The following WDR72 variants were observed in gnomAD, a reference collection of about 807,000 sequenced individuals.
WDR72 encodes the protein WD repeat-containing protein 72.
WDR72 carries 120 observed loss-of-function variants against 124.2 expected under a neutral mutation model. The observed-to-expected ratio is 0.97, with a 90% CI of 0.83 to 1.12. The LOEUF (loss-of-function observed/expected upper bound fraction) is 1.12. Ranked by LOEUF, WDR72 falls within the 50% of genes most tolerant of loss-of-function variation. The pLI is 0.00. For missense variants in WDR72, 1,387 were observed against 1,278.8 expected (o/e 1.08, Z -1.29); for synonymous variants, 452 against 441.7 (o/e 1.02, Z -0.29).
chr15:53,546,851 G>T (rs1366010568), intron 18 of WDR72, among the ~76,000 whole-genome samples: 1 of 152,134 alleles, frequency 6.6e-6, no homozygotes, highest in African/African-American at 2.4e-5. Context: ...AGTCTTAAGC[G>T]ATTATAATGC....
At chr15:53,700,494 T>A (rs1010036674) in intron 12 of WDR72, among the ~76,000 whole-genome samples, 1 of 152,128 alleles carries the variant, frequency 6.6e-6, no homozygotes, top group African/African-American at 2.4e-5. Flanking sequence ...CTCAAAGACA[T>A]AAGGACCAAA....
At chr15:53,591,729 CAT>C (rs1454876658) in intron 18 of WDR72, among the ~76,000 whole-genome samples, 12 of 151,152 alleles carry the variant, frequency 7.9e-5, no homozygotes, top group South Asian at 2.1e-4. Context: ...CACACACACA[CAT>C]ATATACCTTC....
chr15:53,643,462 T>C (rs1342493502), intron 14 of WDR72, among the ~76,000 whole-genome samples: 1 of 152,140 alleles, frequency 6.6e-6, no homozygotes, highest in Non-Finnish European at 1.5e-5. Context: ...TAAAGCTTAA[T>C]TCTCACCTAA....
intron 11 of WDR72, among the ~76,000 whole-genome samples, chr15:53,704,391 CAT>C (rs2017275325): frequency 1.3e-5 from 2 of 152,140 alleles, no homozygotes; most frequent in Admixed American, 1.3e-4. Flanking sequence ...CTTGTACACA[CAT>C]AGAAAATTTC....
intron 13 of WDR72, chr15:53,684,195 T>C (rs1207268988): frequency 6.6e-6 from 1 of 152,216 alleles, no homozygotes; most frequent in Admixed American, 6.6e-5. Flanking sequence ...TTTTTAAGAA[T>C]TGCCGGAGGA....
At chr15:53,670,218 T>C (rs182220906) in intron 13 of WDR72, among the ~76,000 whole-genome samples, 47 of 152,304 alleles carry the variant, frequency 3.1e-4, no homozygotes, top group Admixed American at 2.3e-3. Context: ...AACTATACAA[T>C]AGTGCATTAG....
At chr15:53,679,915 C>T (rs778341785) in intron 13 of WDR72, among the ~76,000 whole-genome samples, 1 of 144,254 alleles carries the variant, frequency 6.9e-6, no homozygotes, top group Non-Finnish European at 1.5e-5. Flanking sequence ...ACAGAGCAGA[C>T]AGTAATCAAA....
intron 14 of WDR72, among the ~76,000 whole-genome samples, chr15:53,624,840 C>G (rs958048534): frequency 6.6e-6 from 1 of 152,010 alleles, no homozygotes; most frequent in African/African-American, 2.4e-5. Context: ...TAACAAAGGG[C>G]CTTGAAAACA....
At chr15:53,594,400 A>G (rs1595781408) in intron 18 of WDR72, among the ~76,000 whole-genome samples, 1 of 152,144 alleles carries the variant, frequency 6.6e-6, no homozygotes, top group South Asian at 2.1e-4. Flanking sequence ...AATTTGCCAT[A>G]AGAATATTTT....
chr15:53,570,331 T>C (rs756071578), intron 18 of WDR72, among the ~76,000 whole-genome samples: 12 of 151,822 alleles, frequency 7.9e-5, no homozygotes, highest in East Asian at 3.9e-4. Flanking sequence ...TACAATACAT[T>C]GTTCTTAGCT....
chr15:53,736,046 T>C (rs991228963), intron 1 of WDR72, among the ~76,000 whole-genome samples: 2 of 151,558 alleles, frequency 1.3e-5, no homozygotes, highest in African/African-American at 4.9e-5. Context: ...CAGCAAGAAG[T>C]CATTAAAAAA....
At chr15:53,562,941 C>T (rs1274632108) in intron 18 of WDR72, among the ~76,000 whole-genome samples, 1 of 151,788 alleles carries the variant, frequency 6.6e-6, no homozygotes, top group African/African-American at 2.4e-5. Context: ...TAAATCATAC[C>T]AAGATACATT....
chr15:53,715,302 A>G lies in WDR72; in HGVS notation c.405T>C (p.Asp135=), dbSNP rs369166237. 1.2e-6 allele frequency: 2 copies of G among 1,614,168 alleles called. No homozygotes were observed. The highest frequency in any genetic ancestry group is 1.7e-6 in the Non-Finnish European group (2 of 1,180,002). Reference sequence around the variant, plus strand: ...AAGTTTTGGCATCAATTATAAGGACATCTTGATATTCTCCACAACAAAGAA... The same window carrying G: ...AAGTTTTGGCATCAATTATAAGGACGTCTTGATATTCTCCACAACAAAGAA... ...GWLLCCGEYQ[D]VLIIDAKTLA... is the part of the protein sequence containing the mutation. The change falls in exon 5 of 20, where the codon GAT becomes GAC. Residue 135 remains aspartate (D), a synonymous_variant. Coordinates refer to ENST00000360509, the MANE Select transcript of WDR72 (RefSeq NM_182758.4).
intron 2 of WDR72, among the ~76,000 whole-genome samples, chr15:53,728,825 G>C (rs1298079165): frequency 6.6e-6 from 1 of 152,116 alleles, no homozygotes; most frequent in African/African-American, 2.4e-5. Flanking sequence ...AGGGCTATGG[G>C]AGTCAGACTT....
intron 2 of WDR72, among the ~76,000 whole-genome samples, chr15:53,729,594 C>G (rs778384604): frequency 3.3e-5 from 5 of 152,034 alleles, no homozygotes; most frequent in Admixed American, 6.6e-5. Context: ...ACCATGTATG[C>G]TCCAGGTCTA....
intron 18 of WDR72, among the ~76,000 whole-genome samples, chr15:53,559,740 G>A (rs1173199115): frequency 6.6e-6 from 1 of 151,910 alleles, no homozygotes; most frequent in East Asian, 1.9e-4. Flanking sequence ...AAAAGAGAAA[G>A]AAAAATCATT....
At chr15:53,591,195 C>A (rs1232921799) in intron 18 of WDR72, among the ~76,000 whole-genome samples, 2 of 151,998 alleles carry the variant, frequency 1.3e-5, no homozygotes, top group Non-Finnish European at 2.9e-5. Flanking sequence ...TGATGTGCTT[C>A]CCTAGTCTCT....
At chr15:53,564,138 C>T (rs925774161) in intron 18 of WDR72, among the ~76,000 whole-genome samples, 1 of 151,758 alleles carries the variant, frequency 6.6e-6, no homozygotes, top group African/African-American at 2.4e-5. Flanking sequence ...TTTTAACAGT[C>T]ATTAATTCAT....
Position 53,514,123 on chromosome 15 carries a change from A to T in WDR72, c.*3576T>A, listed in dbSNP as rs1891314685. 6.6e-6 allele frequency: 1 copy of T among 152,252 alleles called. No individual in the cohort carries two copies. The highest frequency in any genetic ancestry group is 2.4e-5 in the African/African-American group (1 of 41,474). 9.4% of individuals were successfully genotyped at this position (152,252 alleles called of 1,614,324 possible). A position where few individuals can be genotyped will look rare whatever the true frequency, so the allele number is the denominator to read the frequency against. On this transcript the variant is annotated 3_prime_UTR_variant, in exon 20 of 20. Transcript: ENST00000360509. ...TTTTAATTTTGCAACTCTTTTGGTTAAGCTAATTTTTTAAAATTACAAAAA... is the reference window on the plus strand; with the variant it reads ...TTTTAATTTTGCAACTCTTTTGGTTTAGCTAATTTTTTAAAATTACAAAAA...
Sources: allele counts gnomAD v4.1 joint callset (sites outside exome capture counted in the v4.1 genomes callset), GRCh38; gene constraint gnomAD v4.1.1; transcripts MANE v1.5; gene names NCBI Gene and HGNC (gene_info 2026-07-23, HGNC 2026-07-21).